ME3: variants seen among roughly 807,000 people sequenced by gnomAD.
The protein encoded by ME3 is malic enzyme 3.
A neutral mutation model predicts 68.9 loss-of-function variants in ME3; 48 were observed. The ratio of observed to expected loss-of-function variants is 0.70; its 90% CI spans 0.55 to 0.89. The LOEUF (loss-of-function observed/expected upper bound fraction) is 0.89, where lower values mean the gene tolerates loss of function less well. Ranked by LOEUF, ME3 falls within the 40% of genes least tolerant of loss-of-function variation. The pLI is 0.00. For missense variants in ME3, 675 were observed against 797.4 expected, an observed-to-expected ratio of 0.85 and a Z score of 1.85; for synonymous variants, 320 against 318.8, an observed-to-expected ratio of 1.00 and a Z score of -0.04.
chr11:86,580,652 A>T (rs943002013), intron 2 of ME3, among the ~76,000 whole-genome samples: 1 of 152,212 alleles, frequency 6.6e-6, no homozygotes, highest in Non-Finnish European at 1.5e-5. Flanking sequence ...TCCTTCTGCC[A>T]CATCCCTACG....
chr11:86,489,734 T>A (rs149784058), intron 6 of ME3, among the ~76,000 whole-genome samples: 2 of 152,086 alleles, frequency 1.3e-5, no homozygotes, highest in Non-Finnish European at 2.9e-5. Flanking sequence ...CAGTCCTCGC[T>A]CCCTTCTGCT....
intron 3 of ME3, 128 bp from the exon 4 acceptor site, chr11:86,556,830 GCCCTGAGC>G (rs1274848938): frequency 5.2e-6 from 5 of 970,464 alleles, no homozygotes; most frequent in Non-Finnish European, 7.6e-6. Flanking sequence ...CAAGCCATCT[GCCCTGAGC>G]ATGAGCTTCA....
chr11:86,576,232 G>A (rs1465920305), intron 2 of ME3, among the ~76,000 whole-genome samples: 2 of 152,130 alleles, frequency 1.3e-5, no homozygotes, highest in African/African-American at 4.8e-5. Flanking sequence ...GGTTGGGGGA[G>A]GTGGATAACC....
intron 8 of ME3, among the ~76,000 whole-genome samples, chr11:86,459,330 C>T (rs917929829): frequency 6.6e-6 from 1 of 152,140 alleles, no homozygotes; most frequent in African/African-American, 2.4e-5. Context: ...ACATGTGGCC[C>T]TCTCCTCACC....
chr11:86,635,867 G>A (rs1409000776), intron 2 of ME3, among the ~76,000 whole-genome samples: 1 of 152,242 alleles, frequency 6.6e-6, no homozygotes, highest in Non-Finnish European at 1.5e-5. Context: ...CAAGGAAACA[G>A]ACTTAGGGAA....
chr11:86,604,098 T>TA (rs530899658), intron 2 of ME3, among the ~76,000 whole-genome samples: 6 of 139,444 alleles, frequency 4.3e-5, no homozygotes, highest in South Asian at 2.3e-4. Flanking sequence ...AGTATAATAA[T>TA]AAAAAAAAAA....
intron 2 of ME3, among the ~76,000 whole-genome samples, chr11:86,582,898 T>C (rs1958523127): frequency 6.7e-6 from 1 of 150,238 alleles, no homozygotes; most frequent in Non-Finnish European, 1.5e-5. Context: ...CTCTGTATTA[T>C]CCATGGTAAG....
chr11:86,504,034 C>T (rs1412821422), intron 5 of ME3, among the ~76,000 whole-genome samples: 1 of 152,228 alleles, frequency 6.6e-6, no homozygotes, highest in Non-Finnish European at 1.5e-5. Flanking sequence ...CACAAAACTT[C>T]GTGGTCTCCC....
chr11:86,443,606 G>A (rs951975685), intron 13 of ME3, among the ~76,000 whole-genome samples: 1 of 152,228 alleles, frequency 6.6e-6, no homozygotes. Context: ...TGGTGGTTCT[G>A]AATCTACTCC....
At chr11:86,602,919 C>T (rs1960951107) in intron 2 of ME3, among the ~76,000 whole-genome samples, 1 of 152,188 alleles carries the variant, frequency 6.6e-6, no homozygotes, top group South Asian at 2.1e-4. Context: ...GAAACTGGAT[C>T]CTTTCCTTAC....
chr11:86,655,543 A>G (rs1356335080), intron 2 of ME3, among the ~76,000 whole-genome samples: 3 of 152,132 alleles, frequency 2.0e-5, no homozygotes, highest in East Asian at 3.9e-4. Flanking sequence ...CTGGCTAGCC[A>G]TATGTAGAAA....
At chr11:86,560,748 GTATATATATA>G (rs142056305) in intron 2 of ME3, among the ~76,000 whole-genome samples, 3 of 62,526 alleles carry the variant, frequency 4.8e-5, no homozygotes, top group South Asian at 7.9e-4. Flanking sequence ...GTGTGTGTGT[GTATATATATA>G]TATATATATA....
chr11:86,465,843 T>G (rs1192577242), intron 7 of ME3, among the ~76,000 whole-genome samples: 1 of 152,166 alleles, frequency 6.6e-6, no homozygotes, highest in East Asian at 1.9e-4. Flanking sequence ...TGACCTTGTT[T>G]AAAAAGCAGG....
intron 2 of ME3, among the ~76,000 whole-genome samples, chr11:86,652,492 C>G (rs938664650): frequency 1.3e-5 from 2 of 152,038 alleles, no homozygotes; most frequent in East Asian, 3.9e-4. Flanking sequence ...TCCAGCCAAA[C>G]TAAGCTTCAT....
chr11:86,660,468 G>A (rs1946202590), intron 2 of ME3, among the ~76,000 whole-genome samples: 1 of 152,238 alleles, frequency 6.6e-6, no homozygotes, highest in South Asian at 2.1e-4. Flanking sequence ...TTGTCAAGTA[G>A]ATATGTTTTA....
chr11:86,485,954 C>A (rs999926100), intron 7 of ME3, among the ~76,000 whole-genome samples: 1 of 152,204 alleles, frequency 6.6e-6, no homozygotes, highest in African/African-American at 2.4e-5. Flanking sequence ...GATCCAGCTT[C>A]CCAGTCTGGA....
chr11:86,577,730 G>T (rs139685410), intron 2 of ME3, among the ~76,000 whole-genome samples: 218 of 152,248 alleles, frequency 1.4e-3, no homozygotes, highest in African/African-American at 4.7e-3. Flanking sequence ...TATATGCCTT[G>T]CCCAATATCT....
At chr11:86,585,407 GA>G (rs1181138929) in intron 2 of ME3, among the ~76,000 whole-genome samples, 1 of 152,110 alleles carries the variant, frequency 6.6e-6, no homozygotes, top group Non-Finnish European at 1.5e-5. Context: ...ATACATGGGG[GA>G]GAAAAAATGC....
intron 2 of ME3, among the ~76,000 whole-genome samples, chr11:86,669,496 TCAGAG>T (rs1254986397): frequency 1.3e-5 from 2 of 152,060 alleles, no homozygotes; most frequent in Non-Finnish European, 2.9e-5. Flanking sequence ...AGGCACCTCC[TCAGAG>T]GGTGGCAGGA....
Sources: allele counts gnomAD v4.1 joint callset (sites outside exome capture counted in the v4.1 genomes callset), GRCh38; gene constraint gnomAD v4.1.1; transcripts MANE v1.5; gene names NCBI Gene and HGNC (gene_info 2026-07-23, HGNC 2026-07-21).